DNAH10: variants seen among roughly 807,000 people sequenced by gnomAD.
The protein encoded by DNAH10 is axonemal beta dynein heavy chain 10.
Under a neutral mutation model 506.6 loss-of-function variants are expected in DNAH10, and 348 were observed. The observed-to-expected ratio is 0.69, with a 90% confidence interval of 0.63 to 0.75. The LOEUF is 0.75. DNAH10 is among the 30% of genes least tolerant of loss of function. The pLI, the probability that DNAH10 is intolerant of heterozygous loss-of-function variation, is 0.00. For missense variants in DNAH10, 5,179 were observed against 5,787.1 expected, an observed-to-expected ratio of 0.89 and a Z score of 3.41; for synonymous variants, 2,059 against 2,198.6, an observed-to-expected ratio of 0.94 and a Z score of 1.78.
intron 30 of DNAH10, among the ~76,000 whole-genome samples, chr12:123,843,369 C>T (rs1001071942): frequency 6.6e-6 from 1 of 152,124 alleles, no homozygotes; most frequent in Non-Finnish European, 1.5e-5. Context: ...CTCTCCGTTT[C>T]TGATTCTAGG....
At chr12:123,862,272 C>G (rs985468861) in intron 39 of DNAH10, among the ~76,000 whole-genome samples, 5 of 152,184 alleles carry the variant, frequency 3.3e-5, no homozygotes, top group Non-Finnish European at 7.3e-5. Flanking sequence ...CAACCTTCAC[C>G]CATTCACCCA....
chr12:123,819,929 T>C (rs1959226183), intron 23 of DNAH10, among the ~76,000 whole-genome samples: 1 of 152,056 alleles, frequency 6.6e-6, no homozygotes, highest in South Asian at 2.1e-4. Flanking sequence ...GGTCTTGAAC[T>C]CCTGACCTCA....
intron 18 of DNAH10, among the ~76,000 whole-genome samples, chr12:123,807,477 C>A (rs932946865): frequency 6.6e-6 from 1 of 151,958 alleles, no homozygotes; most frequent in Admixed American, 6.6e-5. Context: ...TTAGTAGAGA[C>A]CTGAAGATGA....
intron 14 of DNAH10, 33 bp downstream of exon 14, chr12:123,799,404 G>A (rs375543582): frequency 1.6e-5 from 26 of 1,597,976 alleles, no homozygotes; most frequent in African/African-American, 5.4e-5. Flanking sequence ...CCCGATTGCC[G>A]CGTGAGACGA....
At position 123,897,939 on chromosome 12, in the gene DNAH10, G is replaced by T. The variant is rs1162535905; in HGVS notation, c.9450G>T (p.Leu3150Phe). 7 of 1,596,768 alleles carry T rather than the reference G, an allele frequency of 4.4e-6. No homozygotes were observed. The highest frequency in any genetic ancestry group is 8.5e-7 in the Non-Finnish European group (1 of 1,175,150). ...YLDFINTYSK[L>F]LDEKTQCNIA... ...ATTTTATTAACACCTATTCAAAATT[G>T]CTGGATGAGAAAACTCAGTGTAATA... The change falls in exon 55 of 79, where the codon TTG becomes TTT. Residue 3150 changes from leucine (L) to phenylalanine (F), a missense_variant. Around this residue, in one of 3 missense-constraint regions of DNAH10, gnomAD observed 4,844 missense variants for 5,430.5 expected, o/e 0.89. Transcript: ENST00000673944.
At chr12:123,934,916 C>G (rs1045055908) in intron 78 of DNAH10, 150 bp downstream of exon 78, 11 of 1,039,578 alleles carry the variant, frequency 1.1e-5, no homozygotes, top group African/African-American at 1.6e-5. Flanking sequence ...GTGATAAAAG[C>G]TACGGATAGC....
chr12:123,858,817 A>T (rs1191211945), intron 37 of DNAH10, among the ~76,000 whole-genome samples: 1 of 152,184 alleles, frequency 6.6e-6, no homozygotes, highest in Admixed American at 6.5e-5. Flanking sequence ...AAGCGAAAGA[A>T]GCCAGATGTG....
chr12:123,843,123 A>G (rs1950828386), intron 30 of DNAH10, among the ~76,000 whole-genome samples: 1 of 152,266 alleles, frequency 6.6e-6, no homozygotes, highest in Non-Finnish European at 1.5e-5. Flanking sequence ...TTGGTGGAAG[A>G]GAGTAAGGGA....
chr12:123,872,701 C>T (rs1952084621), intron 45 of DNAH10, among the ~76,000 whole-genome samples: 2 of 148,768 alleles, frequency 1.3e-5, no homozygotes, highest in African/African-American at 5.1e-5. Flanking sequence ...GTCCCAGCTA[C>T]TCAAGAGACT....
chr12:123,762,498 G>C lies in DNAH10; in HGVS notation c.162G>C (p.Ser54=). 6.5e-7 allele frequency: 1 copy of C among 1,530,048 alleles called. No individual in the cohort carries two copies. Among genetic ancestry groups the C allele is most frequent in the Non-Finnish European group, 8.8e-7 (1 of 1,136,026 alleles). The allele number at this position is 1,530,048 out of a possible 1,614,324, so 94.8% of individuals were successfully genotyped here. ...LNQASEEEGP[S]ALFIYRTMVP... ...AGGCGAGCGAGGAGGAGGGGCCCTCGGCGCTCTTCATCTACCGCACTATGG... is the reference window on the plus strand; with the variant it reads ...AGGCGAGCGAGGAGGAGGGGCCCTCCGCGCTCTTCATCTACCGCACTATGG... The change falls in exon 1 of 79, where the codon TCG becomes TCC. Residue 54 remains serine (S), a synonymous_variant. Transcript: ENST00000673944. This position sits in a 1 kb window ranked among gnomAD's most constrained non-coding sequence, Gnocchi z 5.0.
At chr12:123,795,023 CTG>C (rs1053293924) in intron 12 of DNAH10, among the ~76,000 whole-genome samples, 3 of 151,142 alleles carry the variant, frequency 2.0e-5, no homozygotes, top group African/African-American at 4.9e-5. Flanking sequence ...GTGGTGGTGT[CTG>C]TAATCCCAGC....
chr12:123,873,728 C>G lies in DNAH10; in HGVS notation c.7938+18C>G. ...TGCCAAGGGTAGTTTGACGCTCAAG[C>G]AGGTGGAGGGATGGGTCAAGACAGT... is the stretch of plus-strand genomic sequence containing the variant. On this transcript the variant is annotated intron_variant, in intron 46 of 78. Transcript: ENST00000673944. 1 of 1,594,184 alleles carries G rather than the reference C, an allele frequency of 6.3e-7. No homozygotes were observed.
chr12:123,933,484 G>T lies in DNAH10; in HGVS notation c.13450G>T (p.Asp4484Tyr). 6.2e-7 allele frequency: 1 copy of T among 1,609,002 alleles called. No homozygotes were observed. Among genetic ancestry groups the T allele is most frequent in the Non-Finnish European group, 8.5e-7 (1 of 1,177,114 alleles). ...ACAAGTGACCAAGTTCCAGGATGCAGATGAAGTGAATGAGCGGGCGGGACA... is the reference window on the plus strand; with the variant it reads ...ACAAGTGACCAAGTTCCAGGATGCATATGAAGTGAATGAGCGGGCGGGACA... ...FTQVTKFQDA[D>Y]EVNERAGQGC... The change falls in exon 77 of 79, where the codon GAT (aspartate) becomes TAT (tyrosine). Residue 4484 changes from aspartate to tyrosine, a missense_variant. Around this residue, in one of 3 missense-constraint regions of DNAH10, gnomAD observed 4,844 missense variants for 5,430.5 expected, o/e 0.89. Coordinates refer to ENST00000673944, the MANE Select transcript of DNAH10 (RefSeq NM_001372106.1).
Position 123,879,183 on chromosome 12 carries a change from GT to G in DNAH10, c.8373-80del. On this transcript the variant is annotated intron_variant, in intron 48 of 78. Transcript: ENST00000673944. ...GGCCTTTATTGCGCTCTGTGTGTCT[GT>G]CTGTCTGAATGTCACAGCCGTCAGC... 5 of 1,208,250 alleles carry G rather than the reference GT, an allele frequency of 4.1e-6. 1 individual carries two copies. Among genetic ancestry groups the G allele is most frequent in the Admixed American group, 4.1e-5 (2 of 48,474 alleles). The allele number at this position is 1,208,250 out of a possible 1,614,324, so 74.8% of individuals were successfully genotyped here.
intron 19 of DNAH10, among the ~76,000 whole-genome samples, chr12:123,809,875 C>G (rs1027121178): frequency 6.6e-6 from 1 of 152,180 alleles, no homozygotes; most frequent in African/African-American, 2.4e-5. Context: ...GGTTGTGCCT[C>G]CAGCAGGCAC....
intron 36 of DNAH10, among the ~76,000 whole-genome samples, chr12:123,856,025 G>T (rs1951373119): frequency 6.8e-6 from 1 of 146,270 alleles, no homozygotes; most frequent in African/African-American, 2.5e-5. Context: ...TTATTTATAT[G>T]ATCATTATTA....
rs762516485 is a variant in DNAH10 at position 123,853,339 on chromosome 12, C to G, written c.6425C>G (p.Ser2142Cys). 7 of 1,611,510 alleles carry G rather than the reference C, an allele frequency of 4.3e-6. No individual in the cohort carries two copies. Among genetic ancestry groups the G allele is most frequent in the East Asian group, 4.5e-5 (2 of 44,830 alleles). ...GCTGGTGAGCTGAAGAGAGGCTCCT[C>G]TGACCTTAGGGAGGTAGGGGCCACG... is the stretch of plus-strand genomic sequence containing the variant. Reference protein sequence around the residue: ...VMAGELKRGSSDLREDVVLMR... With the variant: ...VMAGELKRGSCDLREDVVLMR... The change falls in exon 36 of 79, where the codon TCT becomes TGT. Residue 2142 changes from serine (S) to cysteine (C), a missense_variant. By Grantham distance (112) the Ser-to-Cys change is moderately radical (BLOSUM62 -1). Around this residue, in one of 3 missense-constraint regions of DNAH10, gnomAD observed 4,844 missense variants for 5,430.5 expected, o/e 0.89. Coordinates refer to ENST00000673944, the MANE Select transcript of DNAH10 (RefSeq NM_001372106.1). This position sits in a 1 kb window ranked among gnomAD's most constrained non-coding sequence, Gnocchi z 4.7.
At chr12:123,774,014 G>T in intron 4 of DNAH10, 135 bp from the exon 5 acceptor site, 1 of 634,966 alleles carries the variant, frequency 1.6e-6, no homozygotes, top group South Asian at 2.0e-5. Flanking sequence ...ACAAATAGGG[G>T]ATATTCTGAA....
At chr12:123,776,801 C>A (rs192992329) in intron 5 of DNAH10, among the ~76,000 whole-genome samples, 46 of 152,278 alleles carry the variant, frequency 3.0e-4, no homozygotes, top group African/African-American at 1.1e-3. Context: ...ATTCATTGAG[C>A]ACCTACTGTA....
Sources: gnomAD v4.1 joint callset for allele counts (sites outside exome capture counted in the v4.1 genomes callset) on GRCh38, gnomAD v4.1.1 for gene constraint, gnomAD v4.1.1 regional missense constraint, Gnocchi (gnomAD v3.1) non-coding constraint, MANE v1.5 for transcripts, NCBI Gene and HGNC (gene_info 2026-07-23, HGNC 2026-07-21) for gene names.